The following SGCD variants were observed in gnomAD, a reference collection of about 807,000 sequenced individuals.
SGCD encodes sarcoglycan delta.
Under a neutral mutation model 36.6 loss-of-function variants are expected in SGCD, and 18 were observed. The observed-to-expected ratio is 0.49, with a 90% CI of 0.34 to 0.73. SGCD has a LOEUF of 0.73. Ranked by LOEUF, SGCD falls within the 30% of genes least tolerant of loss-of-function variation. The pLI, the probability that SGCD is intolerant of heterozygous loss-of-function variation, is 0.01. For synonymous variants in SGCD, 133 were observed against 130.6 expected (o/e 1.02, Z -0.12); for missense variants, 387 against 346.7 (o/e 1.12, Z -0.92).
intron 4 of SGCD, among the ~76,000 whole-genome samples, chr5:156,510,640 G>A (rs256839): frequency 0.2 from 29,975 of 151,612 alleles, 3,007 homozygotes; most frequent in East Asian, 0.25. Flanking sequence ...CTCAAAACTT[G>A]AATAGCATTC....
the SGCD span, among the ~76,000 whole-genome samples, chr5:155,771,863 A>G: frequency 1.3e-5 from 2 of 152,142 alleles, no homozygotes; most frequent in African/African-American, 4.8e-5. Flanking sequence ...CTGTTTCTAG[A>G]TTCTTATCTA....
intron 3 of SGCD, among the ~76,000 whole-genome samples, chr5:156,264,169 T>C (rs1211959707): frequency 6.6e-6 from 1 of 152,000 alleles, no homozygotes; most frequent in Non-Finnish European, 1.5e-5. Flanking sequence ...GAACGTAACA[T>C]TTGAAGAGAT....
At chr5:156,755,064 C>A (rs748433422) in intron 7 of SGCD, among the ~76,000 whole-genome samples, 6 of 152,156 alleles carry the variant, frequency 3.9e-5, no homozygotes, top group African/African-American at 1.4e-4. Flanking sequence ...TTCATAACCC[C>A]CTCCTGGTGA....
At chr5:156,253,828 A>T (rs769477961) in intron 3 of SGCD, among the ~76,000 whole-genome samples, 6 of 152,178 alleles carry the variant, frequency 3.9e-5, no homozygotes, top group Non-Finnish European at 8.8e-5. Context: ...ATTATTATTT[A>T]TACTTGGACA....
chr5:155,850,270 T>A, the SGCD span, among the ~76,000 whole-genome samples: 2 of 152,174 alleles, frequency 1.3e-5, no homozygotes, highest in Non-Finnish European at 2.9e-5. Flanking sequence ...GACAGCTCTT[T>A]TATCCAAGGG....
chr5:155,847,946 C>A, the SGCD span, among the ~76,000 whole-genome samples: 2 of 152,162 alleles, frequency 1.3e-5, no homozygotes, highest in African/African-American at 4.8e-5. Flanking sequence ...GAGGAGATAA[C>A]CAAAACATCC....
intron 3 of SGCD, among the ~76,000 whole-genome samples, chr5:156,211,539 C>A (rs1203082552): frequency 8.7e-5 from 13 of 148,912 alleles, no homozygotes; most frequent in African/African-American, 3.2e-4. Context: ...ACCTGGGAGG[C>A]GGAGCCTGCA....
At chr5:156,628,163 A>G (rs1762502671) in intron 6 of SGCD, among the ~76,000 whole-genome samples, 1 of 152,132 alleles carries the variant, frequency 6.6e-6, no homozygotes, top group African/African-American at 2.4e-5. Context: ...AAATGACCAG[A>G]TCTCACAGGA....
At chr5:156,539,185 C>A (rs1400051094) in intron 4 of SGCD, among the ~76,000 whole-genome samples, 1 of 152,022 alleles carries the variant, frequency 6.6e-6, no homozygotes, top group East Asian at 1.9e-4. Context: ...GGACTAGGCA[C>A]ACTTGGGTCT....
intron 6 of SGCD, among the ~76,000 whole-genome samples, chr5:156,607,623 A>G (rs1761535998): frequency 6.6e-6 from 1 of 152,222 alleles, no homozygotes; most frequent in South Asian, 2.1e-4. Flanking sequence ...AAGGAATGGT[A>G]CCAGCTCCTC....
At chr5:156,182,989 A>G (rs1413534188) in intron 3 of SGCD, among the ~76,000 whole-genome samples, 2 of 152,144 alleles carry the variant, frequency 1.3e-5, no homozygotes, top group Non-Finnish European at 2.9e-5. Flanking sequence ...CTTTAAAGTA[A>G]TTATTATAGG....
intron 2 of SGCD, among the ~76,000 whole-genome samples, chr5:156,331,084 A>G (rs1368866501): frequency 6.6e-6 from 1 of 152,246 alleles, no homozygotes; most frequent in Non-Finnish European, 1.5e-5. Flanking sequence ...GCAAATCAAC[A>G]AAGAGTGAAA....
At chr5:156,519,183 C>A (rs183090747) in intron 4 of SGCD, among the ~76,000 whole-genome samples, 3 of 151,778 alleles carry the variant, frequency 2.0e-5, no homozygotes, top group Non-Finnish European at 4.4e-5. Flanking sequence ...TAGAAACAGC[C>A]GTCAGAGAAT....
At chr5:155,967,889 A>C (rs202052015) in intron 1 of SGCD, among the ~76,000 whole-genome samples, 1 of 151,938 alleles carries the variant, frequency 6.6e-6, no homozygotes, top group Non-Finnish European at 1.5e-5. Flanking sequence ...TCTTCCTCAT[A>C]ATTGAACATC....
intron 3 of SGCD, among the ~76,000 whole-genome samples, chr5:156,306,631 G>T (rs925239932): frequency 1.3e-5 from 2 of 152,190 alleles, no homozygotes; most frequent in African/African-American, 4.8e-5. Context: ...GATGGTAGAG[G>T]GGTGGTGTCA....
intron 3 of SGCD, among the ~76,000 whole-genome samples, chr5:156,345,306 C>T (rs1457196973): frequency 6.6e-6 from 1 of 151,712 alleles, no homozygotes; most frequent in Non-Finnish European, 1.5e-5. Flanking sequence ...TGTTTGGGGT[C>T]CCTGTACAGA....
At chr5:155,966,654 T>A (rs538781665) in intron 1 of SGCD, among the ~76,000 whole-genome samples, 1 of 152,128 alleles carries the variant, frequency 6.6e-6, no homozygotes, top group African/African-American at 2.4e-5. Context: ...GTAACCTCTC[T>A]GAGCCTCATT....
chr5:156,675,198 G>A (rs755881152), intron 7 of SGCD, among the ~76,000 whole-genome samples: 2 of 152,100 alleles, frequency 1.3e-5, no homozygotes, highest in Non-Finnish European at 2.9e-5. Context: ...TGTGAAATGG[G>A]ACAAGAACAG....
chr5:156,316,276 A>G (rs575184525), intron 3 of SGCD, among the ~76,000 whole-genome samples: 1 of 152,122 alleles, frequency 6.6e-6, no homozygotes, highest in Non-Finnish European at 1.5e-5. Context: ...CTATACACTG[A>G]AAACTATAAA....
Sources: gnomAD v4.1 joint callset for allele counts (sites outside exome capture counted in the v4.1 genomes callset) on GRCh38, gnomAD v4.1.1 for gene constraint, MANE v1.5 for transcripts, NCBI Gene and HGNC (gene_info 2026-07-23, HGNC 2026-07-21) for gene names.